Variants in MYBPC3 observed in about 807,000 individuals in gnomAD.
MYBPC3 encodes myosin-binding protein C, cardiac-type.
In MYBPC3, 108 loss-of-function variants were observed where a neutral mutation model predicts 159.3. That is an observed-to-expected ratio of 0.68 (90% CI 0.58 to 0.80). The LOEUF (loss-of-function observed/expected upper bound fraction) is 0.80, where lower values mean the gene tolerates loss of function less well. Among genes scored for constraint, MYBPC3 ranks in the 30% least tolerant of loss-of-function variants. MYBPC3 has a pLI of 0.00. For missense variants in MYBPC3, 1,631 were observed against 1,762.1 expected (o/e 0.93, Z 1.33); for synonymous variants, 730 against 702.0 (o/e 1.04, Z -0.63).
rs113941605 is a variant in MYBPC3, at chr11:47,349,910, G to T, written c.518C>A (p.Thr173Asn). The change falls in exon 5 of 35, where the codon ACC (threonine) becomes AAC (asparagine). Residue 173 changes from threonine to asparagine, a missense_variant. Coordinates refer to ENST00000545968, the MANE Select transcript of MYBPC3 (RefSeq NM_000256.3). ...GGCGCCGGCCACGCGGGCTGAGAAG[G>T]TGATGCTGCCACCTGCAAAGGCAGG... ...DGEVTVGGSI[T>N]FSARVAGASL... The T allele has an allele frequency of 6.2e-7, 1 of 1,600,780 alleles. No homozygotes were observed. The highest frequency in any genetic ancestry group is 8.5e-7 in the Non-Finnish European group (1 of 1,174,634).
In MYBPC3 at chr11:47,335,074, G is replaced by A. The variant is rs376504548; in HGVS notation, c.2873C>T (p.Thr958Ile). 1.7e-4 allele frequency: 268 copies of A among 1,592,732 alleles called. 2 individuals are homozygous for A. Among genetic ancestry groups the A allele is most frequent in the Non-Finnish European group, 2.0e-4 (239 of 1,167,452 alleles). The change falls in exon 27 of 35, where the codon ACC (threonine) becomes ATC (isoleucine). Residue 958 changes from threonine (T) to isoleucine (I), a missense_variant. Thr to Ile is a moderately conservative substitution (Grantham distance 89). Transcript: ENST00000545968. ...CTCCTGCACTGTCACCGGCTCCGTG[G>A]TGGTAACAGGGGCTCCAGGCCCTGC... is the stretch of plus-strand genomic sequence containing the variant. ...NMAGPGAPVT[T>I]TEPVTVQEIL...
rs369289966 is a variant in MYBPC3 at position 47,335,932 on chromosome 11, C to T, written c.2682G>A (p.Glu894=). ...TTVSLKWRPP[E]RVGAGGLDGY... ...CATCCAGGCCTCCTGCTCCCACGCG[C>T]TCTGGGGGCCGCCACTTGAGGGAGA... Residue 894 remains glutamate (E), a synonymous_variant, in exon 26 of 35, where the codon GAG becomes GAA. Coordinates refer to ENST00000545968, the MANE Select transcript of MYBPC3 (RefSeq NM_000256.3). 1.3e-6 allele frequency: 2 copies of T among 1,558,570 alleles called. No individual in the cohort carries two copies. The highest frequency in any genetic ancestry group is 1.7e-6 in the Non-Finnish European group (2 of 1,152,518).
chr11:47,331,601 G>C lies in MYBPC3; in HGVS notation c.*142C>G, dbSNP rs2095874763. ...CTCAGGACTGCCCGACAACTGCCCTGCTGATCCCCCATCGCAGCACAGGAG... is the reference window on the plus strand; with the variant it reads ...CTCAGGACTGCCCGACAACTGCCCTCCTGATCCCCCATCGCAGCACAGGAG... On this transcript the variant is annotated 3_prime_UTR_variant, in exon 35 of 35. Coordinates refer to ENST00000545968, the MANE Select transcript of MYBPC3 (RefSeq NM_000256.3). The C allele has an allele frequency of 2.0e-6, 1 of 510,374 alleles. No individual in the cohort carries two copies. The highest frequency in any genetic ancestry group is 2.6e-5 in the South Asian group (1 of 37,774). The allele number at this position is 510,374 out of a possible 1,614,324, so 31.6% of individuals were successfully genotyped here. A position where few individuals can be genotyped will look rare whatever the true frequency, so the allele number is the denominator to read the frequency against.
Position 47,341,981 on chromosome 11 carries a change from GC to G in MYBPC3, c.1790+9del. 6.4e-7 allele frequency: 1 copy of G among 1,554,778 alleles called. No individual in the cohort carries two copies. ...TCCACCTGTCCCATCCACCTGCCCT[GC>G]ACACTCACCGCCCGATGTGGGACAC... On this transcript the variant is annotated intron_variant, in intron 18 of 34. Coordinates refer to ENST00000545968, the MANE Select transcript of MYBPC3 (RefSeq NM_000256.3).
chr11:47,342,066 T>A lies in MYBPC3; in HGVS notation c.1715A>T (p.Asn572Ile), dbSNP rs1454479323. 2 of 1,613,472 alleles carry A rather than the reference T, an allele frequency of 1.2e-6. No individual in the cohort carries two copies. The highest frequency in any genetic ancestry group is 1.7e-6 in the Non-Finnish European group (2 of 1,179,700). Residue 572 changes from asparagine to isoleucine, a missense_variant, in exon 18 of 35, where the codon AAT (asparagine) becomes ATT (isoleucine). Coordinates refer to ENST00000545968, the MANE Select transcript of MYBPC3 (RefSeq NM_000256.3). ...AVFKCEVSDENVRGVWLKNGK... is the reference protein window; with the variant it reads ...AVFKCEVSDEIVRGVWLKNGK... ...ATTCTTCAGCCACACACCCCGAACA[T>A]TCTCATCTGAGACCTCACATTTGAA... is the stretch of plus-strand genomic sequence containing the variant.
Position 47,342,894 on chromosome 11 carries a change from C to G in MYBPC3, c.1393G>C (p.Val465Leu). 1 of 1,612,828 alleles carries G rather than the reference C, an allele frequency of 6.2e-7. No homozygotes were observed. Among genetic ancestry groups the G allele is most frequent in the Non-Finnish European group, 8.5e-7 (1 of 1,179,366 alleles). The change falls in exon 16 of 35, where the codon GTG becomes CTG. Residue 465 changes from valine (V) to leucine (L), a missense_variant. Coordinates refer to ENST00000545968, the MANE Select transcript of MYBPC3 (RefSeq NM_000256.3). ...AACTCCACCCGCTGCCCCACCATCA[C>G]CAGCTGGTCCTCCAAGGGGCGCGTG... The part of the protein sequence containing the change: ...LITRPLEDQL[V>L]MVGQRVEFEC...
intron 23 of MYBPC3, 64 bp from the exon 24 acceptor site, chr11:47,337,858 CG>C (rs1157092426): frequency 4.3e-5 from 61 of 1,418,302 alleles, no homozygotes; most frequent in Non-Finnish European, 5.8e-5. Flanking sequence ...TAACGTTGCT[CG>C]TCCCCTTCCC....
At chr11:47,340,528 A>G (rs1301913976) in intron 20 of MYBPC3, among the ~76,000 whole-genome samples, 4 of 152,146 alleles carry the variant, frequency 2.6e-5, no homozygotes, top group South Asian at 2.1e-4. Context: ...TTAGCTGGGC[A>G]TGGTGGCGGG....
In MYBPC3 at chr11:47,333,506, C is replaced by G. The variant is rs866855427; in HGVS notation, c.3190+51G>C. 4.0e-5 allele frequency: 63 copies of G among 1,594,458 alleles called. No individual in the cohort carries two copies. In the Middle Eastern group the frequency reaches 3.8e-3, roughly 96 times the overall value. ...TGGCCCCACCCTTGGCCCCAGCAGC[C>G]CAGCCCAGGGAAGGGAAACAAGGGG... is the stretch of plus-strand genomic sequence containing the variant. On this transcript the variant is annotated intron_variant, in intron 29 of 34. Transcript: ENST00000545968.
chr11:47,338,446 G>A lies in MYBPC3; in HGVS notation c.2308+74C>T. 1.9e-6 allele frequency: 3 copies of A among 1,596,186 alleles called. No homozygotes were observed. The highest frequency in any genetic ancestry group is 2.6e-6 in the Non-Finnish European group (3 of 1,168,532). Reference sequence around the variant, plus strand: ...TGCCCGTGATGTTTGTCGAGTGGCTGAATGAGCGAACGGATGGGCCCTCCT... The same window carrying A: ...TGCCCGTGATGTTTGTCGAGTGGCTAAATGAGCGAACGGATGGGCCCTCCT... On this transcript the variant is annotated intron_variant, in intron 23 of 34. Coordinates refer to ENST00000545968, the MANE Select transcript of MYBPC3 (RefSeq NM_000256.3). This position sits in a 1 kb window ranked among gnomAD's most constrained non-coding sequence, Gnocchi z 4.7.
Position 47,350,447 on chromosome 11 carries a change from G to C in MYBPC3, c.406+55C>G. On this transcript the variant is annotated intron_variant, in intron 3 of 34. Transcript: ENST00000545968. ...GGCCCAGCAAAGGCTTTTGAGACCTGCCCTGGACACGCCCTACCCACGGAT... is the reference window on the plus strand; with the variant it reads ...GGCCCAGCAAAGGCTTTTGAGACCTCCCCTGGACACGCCCTACCCACGGAT... 2.0e-6 allele frequency: 3 copies of C among 1,538,102 alleles called. No individual in the cohort carries two copies. The Admixed American group carries it at 6.5e-5, about 33-fold the overall frequency.
intron 27 of MYBPC3, among the ~76,000 whole-genome samples, chr11:47,334,643 T>C (rs2095880467): frequency 6.6e-6 from 1 of 151,984 alleles, no homozygotes; most frequent in African/African-American, 2.4e-5. Context: ...TCATTGCAAC[T>C]GCCACCTCCC....
At chr11:47,335,733 T>C in intron 26 of MYBPC3, 144 bp downstream of exon 26, 3 of 698,020 alleles carry the variant, frequency 4.3e-6, no homozygotes, top group Middle Eastern at 2.6e-4. Flanking sequence ...TTTTTACTTC[T>C]GAAAACAGGA....
At chr11:47,347,066 G>C in intron 9 of MYBPC3, 37 bp from the exon 10 acceptor site, 1 of 863,346 alleles carries the variant, frequency 1.2e-6, no homozygotes, top group South Asian at 1.3e-5. Context: ...TGGAGGGGCC[G>C]GGGGAGAGGG....
chr11:47,345,084 C>G, intron 12 of MYBPC3, among the ~76,000 whole-genome samples: 1 of 152,362 alleles, frequency 6.6e-6, no homozygotes, highest in East Asian at 1.9e-4. Flanking sequence ...GCCACTGCAC[C>G]TGGCCAGCAA....
intron 20 of MYBPC3, 38 bp downstream of exon 20, chr11:47,340,965 A>G (rs750486543): frequency 4.0e-6 from 6 of 1,512,062 alleles, no homozygotes; most frequent in Middle Eastern, 1.7e-4. Flanking sequence ...GTTGCGGGAA[A>G]GTGAGCAGAA....
intron 20 of MYBPC3, 99 bp downstream of exon 20, chr11:47,340,904 T>G: frequency 1.5e-6 from 2 of 1,344,242 alleles, no homozygotes; most frequent in East Asian, 2.7e-5. Context: ...GACCCCCACT[T>G]TTGATCCTTG....
In MYBPC3 at chr11:47,347,918, G is replaced by C. The variant is rs1394988381; in HGVS notation, c.773-13C>G. 1 of 1,571,762 alleles carries C rather than the reference G, an allele frequency of 6.4e-7. No individual in the cohort carries two copies. Among genetic ancestry groups the C allele is most frequent in the South Asian group, 1.2e-5 (1 of 85,188 alleles). On this transcript the variant is annotated splice_polypyrimidine_tract_variant and intron_variant, in intron 6 of 34. Transcript: ENST00000545968. The stretch of plus-strand genomic sequence containing the variant: ...GTGCCCATGGCCTCTGGGTTCAAAG[G>C]GTGGAGAGATGGGGGAAGGGGCTTC...
In MYBPC3 at chr11:47,350,017, C is replaced by G. The variant is rs569740494; in HGVS notation, c.502G>C (p.Val168Leu). Reference sequence around the variant, plus strand: ...GGGCACAGCAGCTCACACTCACCCACGGTCACCTCGCCATCCTGTGGCCGC... The same window carrying G: ...GGGCACAGCAGCTCACACTCACCCAGGGTCACCTCGCCATCCTGTGGCCGC... Reference protein sequence around the residue: ...VMRPQDGEVTVGGSITFSARV... With the variant: ...VMRPQDGEVTLGGSITFSARV... Residue 168 changes from valine to leucine, a missense_variant, in exon 4 of 35, where the codon GTG becomes CTG. Coordinates refer to ENST00000545968, the MANE Select transcript of MYBPC3 (RefSeq NM_000256.3). The G allele has an allele frequency of 6.4e-7, 1 of 1,560,536 alleles. No individual in the cohort carries two copies.
Sources: allele counts gnomAD v4.1 joint callset (sites outside exome capture counted in the v4.1 genomes callset), GRCh38; gene constraint gnomAD v4.1.1; non-coding constraint Gnocchi (gnomAD v3.1); transcripts MANE v1.5; gene names NCBI Gene and HGNC (gene_info 2026-07-23, HGNC 2026-07-21).